Variants in PTPN18 observed in about 807,000 individuals in gnomAD.
PTPN18 encodes the protein tyrosine-protein phosphatase non-receptor type 18.
A neutral mutation model predicts 65.4 loss-of-function variants in PTPN18; 65 were observed. That is an observed-to-expected ratio of 0.99 (90% CI 0.81 to 1.22). The LOEUF (loss-of-function observed/expected upper bound fraction) is 1.22. Among genes scored for constraint, PTPN18 ranks in the 50% most tolerant of loss-of-function variants. The pLI is 0.00. For synonymous variants in PTPN18, 255 were observed against 267.8 expected (o/e 0.95, Z 0.47); for missense variants, 616 against 646.5 (o/e 0.95, Z 0.51).
In PTPN18 at chr2:130,370,037, CTG is replaced by C. The variant is rs1439036153; in HGVS notation, c.547-7_547-6del. Reference sequence around the variant, plus strand: ...TCCTAAGTCTTTTGCTCATCTTTTTCTGTGTTTCAGGAGTCCCGTTCTGTGTA... The same window carrying C: ...TCCTAAGTCTTTTGCTCATCTTTTTCTGTTTCAGGAGTCCCGTTCTGTGTA... On this transcript the variant is annotated splice_polypyrimidine_tract_variant and intron_variant, in intron 7 of 14. Transcript: ENST00000175756. 8 of 1,610,758 alleles carry C rather than the reference CTG, an allele frequency of 5.0e-6. No homozygotes were observed. Among genetic ancestry groups the C allele is most frequent in the Admixed American group, 1.7e-5 (1 of 59,484 alleles).
At chr2:130,359,847 G>A in intron 5 of PTPN18, 1 of 648,494 alleles carries the variant, frequency 1.5e-6, no homozygotes, top group East Asian at 2.8e-5. Flanking sequence ...TCTCCTGCTG[G>A]GCTTCCCAGC....
At chr2:130,359,171 G>T in intron 2 of PTPN18, 62 bp from the exon 3 acceptor site, 1 of 1,595,170 alleles carries the variant, frequency 6.3e-7, no homozygotes, top group African/African-American at 1.3e-5. Flanking sequence ...CTAGGGGGCT[G>T]TCAGAGGCTC....
rs1680687418 is a variant in PTPN18, at chr2:130,374,713, C to CA, written c.*1490dup. 2.1e-6 allele frequency: 1 copy of CA among 470,722 alleles called. No homozygotes were observed. The highest frequency in any genetic ancestry group is 4.4e-6 in the Non-Finnish European group (1 of 227,088). 29.2% of individuals were successfully genotyped at this position (470,722 alleles called of 1,614,324 possible). On this transcript the variant is annotated 3_prime_UTR_variant, in exon 15 of 15. Transcript: ENST00000175756. ...CTGTGCCTGCCCAGGTCCCTGTATG[C>CA]ACTGCCACAGTGCCCTGGGCCCCAT...
intron 12 of PTPN18, 64 bp from the exon 13 acceptor site, chr2:130,372,193 C>T: frequency 6.9e-7 from 1 of 1,449,206 alleles, no homozygotes; most frequent in South Asian, 1.2e-5. Context: ...CGCTGAGCAG[C>T]CTCCCCACTC....
In PTPN18 at chr2:130,375,327, T is replaced by C. The variant is rs1680713053; in HGVS notation, c.*2103T>C. On this transcript the variant is annotated 3_prime_UTR_variant, in exon 15 of 15. Transcript: ENST00000175756. Reference sequence around the variant, plus strand: ...GATCCACATGCCCTCTTCTTGGGAATAGGGGCATGGGAAAGTGACTAAAGA... The same window carrying C: ...GATCCACATGCCCTCTTCTTGGGAACAGGGGCATGGGAAAGTGACTAAAGA... The C allele has an allele frequency of 6.5e-6, 1 of 152,750 alleles. No homozygotes were observed. Among genetic ancestry groups the C allele is most frequent in the African/African-American group, 2.4e-5 (1 of 41,456 alleles). 9.5% of individuals were successfully genotyped at this position (152,750 alleles called of 1,614,324 possible).
At chr2:130,358,763 C>A in intron 1 of PTPN18, 104 bp from the exon 2 acceptor site, 1 of 867,098 alleles carries the variant, frequency 1.2e-6, no homozygotes, top group Non-Finnish European at 1.9e-6. Flanking sequence ...CCTCCCCAGG[C>A]CACTGGCTTT....
rs58598309 is a variant in PTPN18 at position 130,374,335 on chromosome 2, A to AT, written c.*1125dup. ...CCGAGTAGCTGGGACTACAGGTCTA[A>AT]TTTTTTTTTTTTTTAAGAAATGAGT... On this transcript the variant is annotated 3_prime_UTR_variant, in exon 15 of 15. Transcript: ENST00000175756. 10,553 of 210,078 alleles carry AT rather than the reference A, an allele frequency of 0.05. 106 individuals carry two copies. The highest frequency in any genetic ancestry group is 0.08 in the African/African-American group (3,376 of 42,026). 13.0% of individuals were successfully genotyped at this position (210,078 alleles called of 1,614,324 possible). A position where few individuals can be genotyped will look rare whatever the true frequency, so the allele number is the denominator to read the frequency against.
In PTPN18 at chr2:130,364,908, C is replaced by T. The variant is rs117885953; in HGVS notation, c.415-4225C>T. Among the ~76,000 whole-genome samples, 14 of 152,276 alleles carry T rather than the reference C, an allele frequency of 9.2e-5. No homozygotes were observed. In the East Asian group the frequency reaches 2.1e-3, roughly 23 times the overall value. ...ATGGAATTGCTGGATCATATGATAACGCTATGTTCAACATTTTGTTTTCCA... is the reference window on the plus strand; with the variant it reads ...ATGGAATTGCTGGATCATATGATAATGCTATGTTCAACATTTTGTTTTCCA... On this transcript the variant is annotated intron_variant, in intron 5 of 14. Transcript: ENST00000175756.
At chr2:130,369,237 G>A (rs1680477180) in intron 6 of PTPN18, 36 bp downstream of exon 6, 6 of 1,581,950 alleles carry the variant, frequency 3.8e-6, no homozygotes, top group Non-Finnish European at 5.2e-6. Context: ...GATTCCCAGG[G>A]TGGAAAGGCT....
intron 5 of PTPN18, 128 bp from the exon 6 acceptor site, chr2:130,369,005 A>T: frequency 1.4e-6 from 1 of 724,634 alleles, no homozygotes; most frequent in Non-Finnish European, 2.3e-6. Flanking sequence ...GGCGTCTGTT[A>T]TAGGTTATAA....
At chr2:130,364,347 G>C (rs1180811859) in intron 5 of PTPN18, among the ~76,000 whole-genome samples, 1 of 152,082 alleles carries the variant, frequency 6.6e-6, no homozygotes, top group Non-Finnish European at 1.5e-5. Context: ...CTTTTTTCAA[G>C]GTTCATCCAT....
At position 130,357,912 on chromosome 2, in the gene PTPN18, T is replaced by C. The variant is rs1312028561; in HGVS notation, c.94-955T>C. On this transcript the variant is annotated intron_variant, in intron 1 of 14. Transcript: ENST00000175756. ...TATAAACCTAAGTAATTTACACACA[T>C]GTAGAAACATTGTATATAAGAAACT... 6.0e-5 allele frequency among the ~76,000 whole-genome samples: 9 copies of C among 149,774 alleles called. No individual in the cohort carries two copies. The South Asian group carries it at 1.9e-3, about 32-fold the overall frequency.
At chr2:130,363,959 T>TA (rs992075442) in intron 5 of PTPN18, among the ~76,000 whole-genome samples, 2 of 151,824 alleles carry the variant, frequency 1.3e-5, no homozygotes, top group African/African-American at 4.8e-5. Context: ...TTTTTTTTTT[T>TA]AATTATAGCC....
chr2:130,361,767 T>C (rs1680223824), intron 5 of PTPN18, among the ~76,000 whole-genome samples: 1 of 151,996 alleles, frequency 6.6e-6, no homozygotes, highest in Non-Finnish European at 1.5e-5. Context: ...TTTGTATTTT[T>C]AGTAGAGATG....
chr2:130,364,544 C>T (rs1194480080), intron 5 of PTPN18, among the ~76,000 whole-genome samples: 1 of 152,214 alleles, frequency 6.6e-6, no homozygotes, highest in Non-Finnish European at 1.5e-5. Flanking sequence ...CGCCTGTAAT[C>T]CCAGCACTTT....
chr2:130,357,502 C>A (rs994009802), intron 1 of PTPN18, among the ~76,000 whole-genome samples: 12 of 152,062 alleles, frequency 7.9e-5, no homozygotes, highest in African/African-American at 2.9e-4. Flanking sequence ...ATGAATATAA[C>A]AAAGATTATA....
rs996009202 is a variant in PTPN18 at position 130,374,851 on chromosome 2, C to T, written c.*1627C>T. ...TGGCATGAACTCCACTCTCCTGCAG[C>T]CTTCAATCAAGGAATGATGGGGATG... On this transcript the variant is annotated 3_prime_UTR_variant, in exon 15 of 15. Coordinates refer to ENST00000175756, the MANE Select transcript of PTPN18 (RefSeq NM_014369.4). 5.4e-6 allele frequency: 2 copies of T among 368,390 alleles called. No homozygotes were observed. The highest frequency in any genetic ancestry group is 3.9e-5 in the South Asian group (2 of 50,752). The allele number at this position is 368,390 out of a possible 1,614,324, so 22.8% of individuals were successfully genotyped here. A position where few individuals can be genotyped will look rare whatever the true frequency, so the allele number is the denominator to read the frequency against.
chr2:130,359,654 C>T lies in PTPN18; in HGVS notation c.414+8C>T, dbSNP rs775515792. The T allele has an allele frequency of 1.2e-6, 2 of 1,613,584 alleles. No homozygotes were observed. Among genetic ancestry groups the T allele is most frequent in the Admixed American group, 1.7e-5 (1 of 60,012 alleles). ...GAGATAGAGAATGGGCGGGTAGGTG[C>T]CCTCTGCCCCCAGGTTTCATGTCCT... is the stretch of plus-strand genomic sequence containing the variant. On this transcript the variant is annotated splice_region_variant and intron_variant, in intron 5 of 14. Coordinates refer to ENST00000175756, the MANE Select transcript of PTPN18 (RefSeq NM_014369.4).
rs1191267591 is a variant in PTPN18 at position 130,356,066 on chromosome 2, C to CGCGCGCGGCGGCCGGGCTGGACCTTGCTG, written c.-39_-11dup. Reference sequence around the variant, plus strand: ...CCTCCCGCGGCGTCCACACTCGCCGCGCGCGCGGCGGCCGGGCTGGACCTT... The same window carrying CGCGCGCGGCGGCCGGGCTGGACCTTGCTG: ...CCTCCCGCGGCGTCCACACTCGCCGCGCGCGCGGCGGCCGGGCTGGACCTTGCTGGCGCGCGGCGGCCGGGCTGGACCTT... On this transcript the variant is annotated 5_prime_UTR_variant, in exon 1 of 15. Transcript: ENST00000175756. 2 of 1,190,196 alleles carry CGCGCGCGGCGGCCGGGCTGGACCTTGCTG rather than the reference C, an allele frequency of 1.7e-6. No individual in the cohort carries two copies. Among genetic ancestry groups the CGCGCGCGGCGGCCGGGCTGGACCTTGCTG allele is most frequent in the African/African-American group, 3.2e-5 (2 of 62,704 alleles). The allele number at this position is 1,190,196 out of a possible 1,614,324, so 73.7% of individuals were successfully genotyped here.
Sources: gnomAD v4.1 joint callset for allele counts (sites outside exome capture counted in the v4.1 genomes callset) on GRCh38, gnomAD v4.1.1 for gene constraint, MANE v1.5 for transcripts, NCBI Gene and HGNC (gene_info 2026-07-23, HGNC 2026-07-21) for gene names.